The following UGT1A8 variants were observed in gnomAD, a reference collection of about 807,000 sequenced individuals.
UGT1A8 encodes UDP glucuronosyltransferase family 1 member A8.
A neutral mutation model predicts 45.3 loss-of-function variants in UGT1A8; 39 were observed. The observed-to-expected ratio is 0.86, with a 90% CI of 0.67 to 1.12. The LOEUF is 1.12. UGT1A8 is among the 50% of genes most tolerant of loss of function. The probability of loss-of-function intolerance (pLI) is 0.00; values close to 1 mark genes in which losing one functional copy is unlikely to be tolerated. For missense variants in UGT1A8, 719 were observed against 664.9 expected, an observed-to-expected ratio of 1.08 and a Z score of -0.90; for synonymous variants, 275 against 249.2, an observed-to-expected ratio of 1.10 and a Z score of -0.97.
intron 1 of UGT1A8, among the ~76,000 whole-genome samples, chr2:233,684,204 A>G (rs2125528312): frequency 6.6e-6 from 1 of 152,256 alleles, no homozygotes; most frequent in African/African-American, 2.4e-5. Flanking sequence ...TGTTCAACCA[A>G]CTCATGGGAA....
chr2:233,738,524 A>G (rs553988769), intron 1 of UGT1A8, among the ~76,000 whole-genome samples: 1 of 152,322 alleles, frequency 6.6e-6, no homozygotes, highest in South Asian at 2.1e-4. Context: ...TGTTGTGGAC[A>G]ATGAAGTCCA....
At chr2:233,741,327 C>T (rs1174664524) in intron 1 of UGT1A8, among the ~76,000 whole-genome samples, 1 of 151,448 alleles carries the variant, frequency 6.6e-6, no homozygotes, top group Non-Finnish European at 1.5e-5. Flanking sequence ...TTCTACTCTA[C>T]CCAGAGTAGT....
intron 1 of UGT1A8, among the ~76,000 whole-genome samples, chr2:233,678,285 A>T (rs2074413420): frequency 6.6e-6 from 1 of 152,224 alleles, no homozygotes; most frequent in African/African-American, 2.4e-5. Flanking sequence ...GGTAACCTGC[A>T]CATGTACTCC....
intron 1 of UGT1A8, among the ~76,000 whole-genome samples, chr2:233,653,782 A>G (rs1189004453): frequency 1.3e-5 from 2 of 152,184 alleles, no homozygotes; most frequent in Admixed American, 6.5e-5. Context: ...TTTTTAGTAG[A>G]CATGGGGTTT....
chr2:233,618,371 T>A lies in UGT1A8; in HGVS notation c.664T>A (p.Tyr222Asn). 6.2e-7 allele frequency: 1 copy of A among 1,613,962 alleles called. No individual in the cohort carries two copies. The highest frequency in any genetic ancestry group is 8.5e-7 in the Non-Finnish European group (1 of 1,179,848). Residue 222 changes from tyrosine to asparagine, a missense_variant, in exon 1 of 5, where the codon TAT becomes AAT. By Grantham distance (143) the Tyr-to-Asn change is moderately radical. Transcript: ENST00000373450. ...MHLEEHLFCQYFSKNALEIAS... is the reference protein window; with the variant it reads ...MHLEEHLFCQNFSKNALEIAS... Reference sequence around the variant, plus strand: ...CTTGGAGGAACATTTATTTTGCCAGTATTTTTCCAAAAATGCCCTAGAAAT... The same window carrying A: ...CTTGGAGGAACATTTATTTTGCCAGAATTTTTCCAAAAATGCCCTAGAAAT...
At position 233,757,535 on chromosome 2, in the gene UGT1A8, AATAT is replaced by A. The variant is rs67292694; in HGVS notation, c.856-9476_856-9473del. On this transcript the variant is annotated intron_variant, in intron 1 of 4. Coordinates refer to ENST00000373450, the MANE Select transcript of UGT1A8 (RefSeq NM_019076.5). Reference sequence around the variant, plus strand: ...CAAAGCCAAAATCTTGCCTGTAAGGAATATATATATATATATATATATATATGTA... The same window carrying A: ...CAAAGCCAAAATCTTGCCTGTAAGGAATATATATATATATATATATATGTA... Among the ~76,000 whole-genome samples, 85 of 88,296 alleles carry A rather than the reference AATAT, an allele frequency of 9.6e-4. 5 individuals carry two copies. The highest frequency in any genetic ancestry group is 3.6e-3 in the African/African-American group (72 of 19,936). 57.9% of individuals were successfully genotyped at this position (88,296 alleles called of 152,430 possible).
intron 1 of UGT1A8, among the ~76,000 whole-genome samples, chr2:233,652,532 A>C (rs1485003791): frequency 6.6e-6 from 1 of 152,246 alleles, no homozygotes; most frequent in African/African-American, 2.4e-5. Flanking sequence ...CAATATCATT[A>C]TCATTCCTCA....
intron 1 of UGT1A8, among the ~76,000 whole-genome samples, chr2:233,689,667 A>C (rs1575441653): frequency 6.6e-6 from 1 of 152,332 alleles, no homozygotes; most frequent in Admixed American, 6.5e-5. Context: ...TCCTCCAAGA[A>C]CAAAGAATGG....
chr2:233,660,182 A>G (rs766481661), intron 1 of UGT1A8, among the ~76,000 whole-genome samples: 9 of 152,186 alleles, frequency 5.9e-5, no homozygotes, highest in Non-Finnish European at 1.2e-4. Flanking sequence ...AGCTTTTTCT[A>G]TACAACAAGG....
At chr2:233,747,089 AC>A in intron 1 of UGT1A8, 1 of 1,215,556 alleles carries the variant, frequency 8.2e-7, no homozygotes, top group Non-Finnish European at 1.1e-6. Context: ...GGAGGAGAGC[AC>A]TCTATCTTCC....
At chr2:233,703,132 G>A (rs1172659956) in intron 1 of UGT1A8, among the ~76,000 whole-genome samples, 3 of 152,068 alleles carry the variant, frequency 2.0e-5, no homozygotes. Flanking sequence ...TACCTGTTAT[G>A]GCTTTATTTA....
chr2:233,767,827 C>T (rs1252355867), intron 2 of UGT1A8, 22 bp from the exon 3 acceptor site: 1 of 1,614,176 alleles, frequency 6.2e-7, no homozygotes, highest in Non-Finnish European at 8.5e-7. Flanking sequence ...TCTTTACGTT[C>T]TGCTCTTTTT....
chr2:233,724,160 G>A (rs2077179945), intron 1 of UGT1A8, among the ~76,000 whole-genome samples: 4 of 120,854 alleles, frequency 3.3e-5, no homozygotes, highest in Admixed American at 7.7e-5. Context: ...GGGTGGGGGG[G>A]CTGACCCCCC....
intron 1 of UGT1A8, among the ~76,000 whole-genome samples, chr2:233,670,462 G>C (rs538777395): frequency 2.6e-5 from 4 of 152,236 alleles, no homozygotes; most frequent in African/African-American, 9.6e-5. Context: ...GCCCATTCAT[G>C]GAAGGGTTTG....
chr2:233,757,044 A>T (rs1411336170), intron 1 of UGT1A8, among the ~76,000 whole-genome samples: 1 of 151,696 alleles, frequency 6.6e-6, no homozygotes, highest in Non-Finnish European at 1.5e-5. Flanking sequence ...CATCAAAGGA[A>T]GTTTGGGGAA....
At chr2:233,729,199 T>G (rs767614546) in intron 1 of UGT1A8, 1 of 1,614,000 alleles carries the variant, frequency 6.2e-7, no homozygotes, top group Non-Finnish European at 8.5e-7. Context: ...TGTCCAGCCC[T>G]GGGCTGAGAG....
rs200903749 is a variant in UGT1A8, at chr2:233,767,133, A to G, written c.955A>G (p.Ile319Val). ...SEIPEKKAMAIADALGKIPQT... is the reference protein window; with the variant it reads ...SEIPEKKAMAVADALGKIPQT... ...AATTCCAGAGAAGAAAGCTATGGCA[A>G]TTGCTGATGCTTTGGGCAAAATCCC... The change falls in exon 2 of 5, where the codon ATT (isoleucine) becomes GTT (valine). Residue 319 changes from isoleucine (I) to valine (V), a missense_variant. Physicochemically the swap from Ile to Val is conservative, Grantham distance 29 (BLOSUM62 3). Coordinates refer to ENST00000373450, the MANE Select transcript of UGT1A8 (RefSeq NM_019076.5). 1,419 of 1,614,112 alleles carry G rather than the reference A, an allele frequency of 8.8e-4. 26 individuals are homozygous for G. In the South Asian group the frequency reaches 0.015, roughly 17 times the overall value.
rs1699307451 is a variant in UGT1A8, at chr2:233,767,015, A to G, written c.856-19A>G. The G allele has an allele frequency of 6.2e-7, 1 of 1,613,760 alleles. No homozygotes were observed. Among genetic ancestry groups the G allele is most frequent in the South Asian group, 1.1e-5 (1 of 90,990 alleles). On this transcript the variant is annotated intron_variant, in intron 1 of 4. Transcript: ENST00000373450. The stretch of plus-strand genomic sequence containing the variant: ...GAATATGAGAAAAAATTAACTGAAA[A>G]TTTTTCTTCTGGCTCTAGGAATTTG...
At position 233,669,394 on chromosome 2, in the gene UGT1A8, G is replaced by C. The variant is rs530239630; in HGVS notation, c.855+50832G>C. Among the ~76,000 whole-genome samples the C allele has an allele frequency of 3.3e-5, 5 of 152,226 alleles. No homozygotes were observed. The East Asian group carries it at 9.6e-4, about 29-fold the overall frequency. On this transcript the variant is annotated intron_variant, in intron 1 of 4. Transcript: ENST00000373450. ...AGATTGGGGTTGTATTAAATTTATA[G>C]ATCAACTAAGGAAAAATAACATTTT...
Sources: gnomAD v4.1 joint callset for allele counts (sites outside exome capture counted in the v4.1 genomes callset) on GRCh38, gnomAD v4.1.1 for gene constraint, MANE v1.5 for transcripts, NCBI Gene and HGNC (gene_info 2026-07-23, HGNC 2026-07-21) for gene names.